Variants in WDR70 observed in about 807,000 individuals in gnomAD.
The protein encoded by WDR70 is WD repeat domain 70, also known as WD repeat-containing protein 70.
Under a neutral mutation model 88.6 loss-of-function variants are expected in WDR70, and 53 were observed. That is an observed-to-expected ratio of 0.60 (90% confidence interval 0.48 to 0.75). The LOEUF (loss-of-function observed/expected upper bound fraction) is 0.75. WDR70 is among the 30% of genes least tolerant of loss of function. The pLI is 0.00. For missense variants in WDR70, 610 were observed against 823.2 expected (o/e 0.74, Z 3.17); for synonymous variants, 280 against 270.0 (o/e 1.04, Z -0.36).
chr5:37,523,419 C>T (rs1235759166), intron 9 of WDR70, among the ~76,000 whole-genome samples: 2 of 152,230 alleles, frequency 1.3e-5, no homozygotes, highest in African/African-American at 2.4e-5. Context: ...AGCTGAGGGT[C>T]CTGACTGTTA....
chr5:37,417,519 C>A (rs1245830206), intron 5 of WDR70, among the ~76,000 whole-genome samples: 1 of 144,050 alleles, frequency 6.9e-6, no homozygotes, highest in African/African-American at 2.5e-5. Context: ...GTCACTGCAC[C>A]CGGCCACCAC....
Position 37,479,828 on chromosome 5 carries a change from G to C in WDR70, c.687-6G>C, listed in dbSNP as rs376151585. 6.2e-7 allele frequency: 1 copy of C among 1,602,114 alleles called. No homozygotes were observed. Among genetic ancestry groups the C allele is most frequent in the Non-Finnish European group, 8.5e-7 (1 of 1,175,544 alleles). ...TCTTACCAACTTTCCTTTTCTTTTC[G>C]TACAGCCATCAGATCAAGTCATTAC... On this transcript the variant is annotated splice_region_variant and splice_polypyrimidine_tract_variant and intron_variant, in intron 7 of 17. Coordinates refer to ENST00000265107, the MANE Select transcript of WDR70 (RefSeq NM_018034.4).
intron 10 of WDR70, among the ~76,000 whole-genome samples, chr5:37,631,480 T>G (rs1486964421): frequency 1.3e-5 from 2 of 152,324 alleles, no homozygotes; most frequent in East Asian, 3.9e-4. Flanking sequence ...CTGCTAACAT[T>G]GTGTACCCAC....
intron 13 of WDR70, 149 bp downstream of exon 13, chr5:37,703,236 A>G (rs1747217290): frequency 1.1e-6 from 1 of 912,140 alleles, no homozygotes; most frequent in East Asian, 2.7e-5. Flanking sequence ...AGTTATCAGT[A>G]TGTTGTGGAT....
chr5:37,384,323 A>G (rs2111853814), intron 3 of WDR70, among the ~76,000 whole-genome samples: 1 of 151,956 alleles, frequency 6.6e-6, no homozygotes, highest in South Asian at 2.1e-4. Context: ...TTGGGACTAT[A>G]GGTTGGTGCT....
intron 13 of WDR70, among the ~76,000 whole-genome samples, chr5:37,718,557 C>T (rs565242190): frequency 7.9e-5 from 12 of 152,280 alleles, no homozygotes; most frequent in African/African-American, 2.2e-4. Context: ...CTTTGACAGC[C>T]GCTTTCATTA....
At chr5:37,570,176 A>G (rs746443619) in intron 9 of WDR70, among the ~76,000 whole-genome samples, 2 of 152,090 alleles carry the variant, frequency 1.3e-5, no homozygotes, top group African/African-American at 4.8e-5. Context: ...GGTGAATTCT[A>G]GTGAAAGGCA....
chr5:37,742,991 A>T (rs1185559194), intron 17 of WDR70, among the ~76,000 whole-genome samples: 1 of 152,266 alleles, frequency 6.6e-6, no homozygotes, highest in Non-Finnish European at 1.5e-5. Context: ...TTGAAATATC[A>T]CATGAAATAT....
At chr5:37,503,523 G>A (rs1740466215) in intron 8 of WDR70, among the ~76,000 whole-genome samples, 1 of 152,064 alleles carries the variant, frequency 6.6e-6, no homozygotes, top group Non-Finnish European at 1.5e-5. Context: ...GGCGGTATTT[G>A]GTCTTTTGTT....
chr5:37,437,414 C>A (rs1429514569), intron 5 of WDR70, among the ~76,000 whole-genome samples: 1 of 151,988 alleles, frequency 6.6e-6, no homozygotes, highest in Non-Finnish European at 1.5e-5. Context: ...TTGAAAGGAC[C>A]TTGTTGGTTA....
At chr5:37,461,113 A>AT (rs1181402794) in intron 7 of WDR70, among the ~76,000 whole-genome samples, 40 of 90,052 alleles carry the variant, frequency 4.4e-4, no homozygotes, top group Middle Eastern at 0.011. Flanking sequence ...CTCAAAAAAA[A>AT]AAAAAAAAAA....
chr5:37,651,422 C>T (rs1195399229), intron 10 of WDR70, among the ~76,000 whole-genome samples: 4 of 152,200 alleles, frequency 2.6e-5, no homozygotes, highest in Non-Finnish European at 5.9e-5. Context: ...CTGCAATAAA[C>T]GTACATGTGC....
chr5:37,564,054 G>A (rs1249499123), intron 9 of WDR70, among the ~76,000 whole-genome samples: 3 of 149,494 alleles, frequency 2.0e-5, no homozygotes, highest in African/African-American at 7.3e-5. Flanking sequence ...GGGCAGCCAG[G>A]CAGAGAAGCT....
At chr5:37,521,728 A>ACC (rs1411632696) in intron 9 of WDR70, among the ~76,000 whole-genome samples, 2 of 151,882 alleles carry the variant, frequency 1.3e-5, no homozygotes, top group South Asian at 4.1e-4. Context: ...ACACACACAC[A>ACC]CACACACACA....
chr5:37,649,686 C>T (rs1370438935), intron 10 of WDR70, among the ~76,000 whole-genome samples: 2 of 146,836 alleles, frequency 1.4e-5, no homozygotes, highest in African/African-American at 5.0e-5. Context: ...CATATGTAAG[C>T]ACTTTGTAAA....
intron 14 of WDR70, chr5:37,722,608 C>G: frequency 2.1e-6 from 1 of 476,614 alleles, no homozygotes. Context: ...AAACTTGTGT[C>G]CTGTTGCCCT....
chr5:37,434,381 G>C (rs920667099), intron 5 of WDR70, among the ~76,000 whole-genome samples: 1 of 152,152 alleles, frequency 6.6e-6, no homozygotes, highest in African/African-American at 2.4e-5. Context: ...AGTGTTATTA[G>C]ATCTCCATAG....
At chr5:37,448,189 A>G (rs4869510) in intron 7 of WDR70, among the ~76,000 whole-genome samples, 147,728 of 152,184 alleles carry the variant, frequency 0.97, 71,863 homozygotes, top group East Asian at 1. Flanking sequence ...TATTCTTTTC[A>G]ATGTTTAAAT....
intron 9 of WDR70, among the ~76,000 whole-genome samples, chr5:37,604,827 G>A (rs1743983855): frequency 6.6e-6 from 1 of 152,164 alleles, no homozygotes; most frequent in African/African-American, 2.4e-5. Context: ...AGTAGAATTT[G>A]CCTCTTCCTC....
Sources: gnomAD v4.1 joint callset for allele counts (sites outside exome capture counted in the v4.1 genomes callset) on GRCh38, gnomAD v4.1.1 for gene constraint, MANE v1.5 for transcripts, NCBI Gene and HGNC (gene_info 2026-07-23, HGNC 2026-07-21) for gene names.